Variants in ZFHX3 observed in about 807,000 individuals in gnomAD.
The protein encoded by ZFHX3 is zinc finger homeobox protein 3.
Under a neutral mutation model 279.1 loss-of-function variants are expected in ZFHX3, and 42 were observed. The observed-to-expected ratio is 0.15, with a 90% CI of 0.12 to 0.19. ZFHX3 has a LOEUF of 0.19. Ranked by LOEUF, ZFHX3 falls within the 10% of genes least tolerant of loss-of-function variation. ZFHX3 has a pLI of 1.00. For synonymous variants in ZFHX3, 2,293 were observed against 1,957.8 expected, an observed-to-expected ratio of 1.17 and a Z score of -4.52; for missense variants, 4,981 against 4,754.0, an observed-to-expected ratio of 1.05 and a Z score of -1.40.
Position 72,793,111 on chromosome 16 carries a change from A to T in ZFHX3, c.9427+144T>A. On this transcript the variant is annotated intron_variant, in intron 9 of 9. Transcript: ENST00000268489. The surrounding 1 kb of genome is among the most constrained non-coding windows in gnomAD (Gnocchi z 4.3). ...TACTTGGGAGACTCAACAGGAACGAACTGAAGTCTTGTTGCTTTTAAAGAA... is the reference window on the plus strand; with the variant it reads ...TACTTGGGAGACTCAACAGGAACGATCTGAAGTCTTGTTGCTTTTAAAGAA... The T allele has an allele frequency of 1.4e-6, 2 of 1,430,774 alleles. No homozygotes were observed. Among genetic ancestry groups the T allele is most frequent in the Admixed American group, 4.6e-5 (2 of 43,434 alleles). 88.6% of individuals were successfully genotyped at this position (1,430,774 alleles called of 1,614,324 possible).
At chr16:72,905,300 C>T (rs1240240410) in intron 3 of ZFHX3, among the ~76,000 whole-genome samples, 4 of 152,096 alleles carry the variant, frequency 2.6e-5, no homozygotes, top group African/African-American at 9.7e-5. Context: ...CACTAAATGG[C>T]TTTATTCAGT....
chr16:73,343,621 G>A (rs1368164148), intron 3 of ZFHX3, among the ~76,000 whole-genome samples: 26 of 152,148 alleles, frequency 1.7e-4, no homozygotes, highest in Admixed American at 1.7e-3. Context: ...GGCTACTCAG[G>A]AAGCTGAAGT....
chr16:73,505,651 C>A (rs988404992), intron 2 of ZFHX3, among the ~76,000 whole-genome samples: 9 of 152,136 alleles, frequency 5.9e-5, no homozygotes, highest in Admixed American at 4.6e-4. Flanking sequence ...AAGGAGCCGA[C>A]ACTTAATGAC....
chr16:73,423,935 C>A (rs2017765073), intron 3 of ZFHX3, among the ~76,000 whole-genome samples: 1 of 151,748 alleles, frequency 6.6e-6, no homozygotes, highest in Non-Finnish European at 1.5e-5. Context: ...TATTGGGTCT[C>A]TGTGAGATGT....
chr16:73,389,435 A>T (rs1381030493), intron 3 of ZFHX3, among the ~76,000 whole-genome samples: 1 of 152,224 alleles, frequency 6.6e-6, no homozygotes, highest in African/African-American at 2.4e-5. Context: ...AAAAATTGTC[A>T]AAAGGTCTTT....
At chr16:73,003,314 A>AG (rs1392443028) in intron 1 of ZFHX3, among the ~76,000 whole-genome samples, 1 of 147,086 alleles carries the variant, frequency 6.8e-6, no homozygotes, top group Non-Finnish European at 1.5e-5. Context: ...AGATAATTAA[A>AG]GGGAAAAAAA....
intron 3 of ZFHX3, among the ~76,000 whole-genome samples, chr16:73,346,851 G>A (rs1418623570): frequency 1.3e-5 from 2 of 152,164 alleles, no homozygotes; most frequent in East Asian, 1.9e-4. Flanking sequence ...CCAAGGAAGA[G>A]GAGACTTCTC....
At position 73,772,983 on chromosome 16, in the gene ZFHX3, G is replaced by T. The variant is rs187448635; in HGVS notation, c.-1607-92743C>A. ...CATTTGTTTTTGGTCTCAGCTCCAG[G>T]ACTTGGCTGTGTCATGCTATCCTAG... On this transcript the variant is annotated intron_variant, in intron 1 of 17. Transcript: ENST00000641206. Among the ~76,000 whole-genome samples, 7 of 152,256 alleles carry T rather than the reference G, an allele frequency of 4.6e-5. No homozygotes were observed. In the East Asian group the frequency reaches 1.4e-3, roughly 29 times the overall value.
chr16:73,447,170 G>T (rs1173564535), intron 3 of ZFHX3, among the ~76,000 whole-genome samples: 3 of 133,134 alleles, frequency 2.3e-5, no homozygotes. Context: ...AACAGAGCAA[G>T]ACTCCATCTC....
intron 1 of ZFHX3, among the ~76,000 whole-genome samples, chr16:73,692,673 G>A (rs1239502162): frequency 3.3e-5 from 5 of 152,288 alleles, no homozygotes; most frequent in South Asian, 2.1e-4. Flanking sequence ...GGATCGATAC[G>A]TTAGAGTTCA....
At chr16:73,183,720 T>C (rs1041335541) in intron 5 of ZFHX3, among the ~76,000 whole-genome samples, 2 of 152,206 alleles carry the variant, frequency 1.3e-5, no homozygotes, top group African/African-American at 2.4e-5. Context: ...TGCTCTGCCC[T>C]CTGTGAGCCT....
At chr16:73,609,261 A>T (rs778055277) in intron 2 of ZFHX3, 4 of 152,222 alleles carry the variant, frequency 2.6e-5, no homozygotes, top group Non-Finnish European at 5.9e-5. Context: ...TGCATCGTAC[A>T]ACCAATTTAT....
At chr16:73,318,508 G>C (rs1188597105) in intron 3 of ZFHX3, among the ~76,000 whole-genome samples, 2 of 151,756 alleles carry the variant, frequency 1.3e-5, no homozygotes, top group African/African-American at 4.8e-5. Context: ...TTGGGTGACT[G>C]TTTTTGCTTT....
intron 1 of ZFHX3, among the ~76,000 whole-genome samples, chr16:73,729,553 CCAAAAAAAA>C (rs1567563829): frequency 2.6e-4 from 8 of 31,228 alleles, no homozygotes. Flanking sequence ...AACAAACAAA[CCAAAAAAAA>C]AAAAAAAAAC....
chr16:73,713,113 A>G (rs2053380502), intron 1 of ZFHX3, among the ~76,000 whole-genome samples: 1 of 152,196 alleles, frequency 6.6e-6, no homozygotes, highest in Non-Finnish European at 1.5e-5. Context: ...GAGAGAGTGA[A>G]AAATAAAATC....
chr16:73,878,629 T>C (rs546054159), intron 1 of ZFHX3, among the ~76,000 whole-genome samples: 1 of 152,110 alleles, frequency 6.6e-6, no homozygotes, highest in South Asian at 2.1e-4. Context: ...TGTTTCTTTT[T>C]TTTTCTTTTT....
chr16:73,882,900 C>T (rs978381695), intron 1 of ZFHX3, among the ~76,000 whole-genome samples: 1 of 152,054 alleles, frequency 6.6e-6, no homozygotes, highest in African/African-American at 2.4e-5. Flanking sequence ...CAAGAGGAAG[C>T]TTGTGGGTCA....
At chr16:73,798,375 G>A (rs1423107657) in intron 1 of ZFHX3, among the ~76,000 whole-genome samples, 1 of 151,902 alleles carries the variant, frequency 6.6e-6, no homozygotes, top group African/African-American at 2.4e-5. Flanking sequence ...TAACAAGGTG[G>A]GGGGTAGCTA....
intron 4 of ZFHX3, among the ~76,000 whole-genome samples, chr16:72,839,203 C>G (rs1034867063): frequency 2.0e-5 from 3 of 152,030 alleles, no homozygotes; most frequent in African/African-American, 2.4e-5. Flanking sequence ...CTTCCCCCCC[C>G]CATTTTCCAG....
Sources: gnomAD v4.1 joint callset for allele counts (sites outside exome capture counted in the v4.1 genomes callset) on GRCh38, gnomAD v4.1.1 for gene constraint, Gnocchi (gnomAD v3.1) non-coding constraint, MANE v1.5 for transcripts, NCBI Gene and HGNC (gene_info 2026-07-23, HGNC 2026-07-21) for gene names.